The following AKAP7 variants were observed in gnomAD, a reference collection of about 807,000 sequenced individuals.
AKAP7 encodes A-kinase anchoring protein 7.
A neutral mutation model predicts 39.5 loss-of-function variants in AKAP7; 39 were observed. That is an observed-to-expected ratio of 0.99 (90% CI 0.76 to 1.29). The LOEUF (loss-of-function observed/expected upper bound fraction) is 1.29. Ranked by LOEUF, AKAP7 falls within the 50% of genes most tolerant of loss-of-function variation. The probability of loss-of-function intolerance (pLI) is 0.00; values close to 1 mark genes in which losing one functional copy is unlikely to be tolerated. For missense variants in AKAP7, 414 were observed against 407.7 expected (o/e 1.02, Z -0.13); for synonymous variants, 140 against 139.1 (o/e 1.01, Z -0.05).
At chr6:131,164,310 C>G (rs1255067617) in intron 3 of AKAP7, 1 of 451,844 alleles carries the variant, frequency 2.2e-6, no homozygotes, top group African/African-American at 2.0e-5. Context: ...AGACTACTTT[C>G]AAATGTACTC....
intron 5 of AKAP7, among the ~76,000 whole-genome samples, chr6:131,180,457 C>G (rs1805063010): frequency 6.6e-6 from 1 of 152,180 alleles, no homozygotes; most frequent in African/African-American, 2.4e-5. Context: ...AGAAAAATCT[C>G]TTGATCTTGA....
At chr6:131,162,485 C>T (rs564708574) in intron 3 of AKAP7, among the ~76,000 whole-genome samples, 2 of 152,284 alleles carry the variant, frequency 1.3e-5, no homozygotes, top group African/African-American at 4.8e-5. Context: ...TCAGTTTGTT[C>T]AGGTGTAAAA....
rs376362498 is a variant in AKAP7, at chr6:131,163,336, TTTTG to T, written c.292-1733_292-1730del. Among the ~76,000 whole-genome samples the T allele has an allele frequency of 1.3e-3, 205 of 152,304 alleles. 1 individual carries two copies. Among genetic ancestry groups the T allele is most frequent in the African/African-American group, 4.5e-3 (187 of 41,550 alleles). Reference sequence around the variant, plus strand: ...TTTTGTATCTTCTACATGAGCACATTTTTGTTTGTTTGTTTTAAAGTGTCTAATG... The same window carrying T: ...TTTTGTATCTTCTACATGAGCACATTTTTGTTTGTTTTAAAGTGTCTAATG... On this transcript the variant is annotated intron_variant, in intron 3 of 7. Transcript: ENST00000431975.
intron 5 of AKAP7, among the ~76,000 whole-genome samples, chr6:131,174,105 CATT>C (rs1804344546): frequency 6.6e-6 from 1 of 152,180 alleles, no homozygotes; most frequent in East Asian, 1.9e-4. Context: ...TTCAACAAAA[CATT>C]ATAAAAAATA....
chr6:131,164,551 A>C lies in AKAP7; in HGVS notation c.292-530A>C, dbSNP rs143646651. On this transcript the variant is annotated intron_variant, in intron 3 of 7. Transcript: ENST00000431975. Reference sequence around the variant, plus strand: ...CCCACAGGTATGGAAAAATGACAGTAGTCATTTCTACTGAAATTATTGCTG... The same window carrying C: ...CCCACAGGTATGGAAAAATGACAGTCGTCATTTCTACTGAAATTATTGCTG... The C allele has an allele frequency of 6.7e-4, 251 of 376,440 alleles. 2 individuals carry two copies. Among genetic ancestry groups the C allele is most frequent in the African/African-American group, 4.8e-3 (228 of 47,308 alleles). The allele number at this position is 376,440 out of a possible 1,614,324, so 23.3% of individuals were successfully genotyped here.
In AKAP7 at chr6:131,135,595, CG is replaced by C. The variant is rs1330489445; in HGVS notation, c.-168del. 1 of 488,412 alleles carries C rather than the reference CG, an allele frequency of 2.0e-6. No homozygotes were observed. Among genetic ancestry groups the C allele is most frequent in the African/African-American group, 2.1e-5 (1 of 47,030 alleles). The allele number at this position is 488,412 out of a possible 1,614,324, so 30.3% of individuals were successfully genotyped here. ...GCGCTTCCGCAGGCCTGGCCTCCGC[CG>C]CCCGGGCCCCCGCAGCCTGTCGCTG... On this transcript the variant is annotated 5_prime_UTR_variant, in exon 1 of 8. Transcript: ENST00000431975.
chr6:131,159,155 G>A (rs1000689692), intron 2 of AKAP7, among the ~76,000 whole-genome samples: 2 of 151,908 alleles, frequency 1.3e-5, no homozygotes, highest in African/African-American at 4.8e-5. Flanking sequence ...CTGCAGTGGC[G>A]CCATCTCGGC....
chr6:131,147,886 A>G (rs145461896), intron 2 of AKAP7, among the ~76,000 whole-genome samples: 5 of 152,364 alleles, frequency 3.3e-5, no homozygotes, highest in South Asian at 4.1e-4. Flanking sequence ...TATCTAATGT[A>G]TATGAACACA....
chr6:131,172,701 G>C lies in AKAP7; in HGVS notation c.589+3428G>C, dbSNP rs540812882. 2.6e-3 allele frequency among the ~76,000 whole-genome samples: 403 copies of C among 152,116 alleles called. 2 individuals carry two copies. The highest frequency in any genetic ancestry group is 5.2e-3 in the Admixed American group (80 of 15,288). On this transcript the variant is annotated intron_variant, in intron 5 of 7. Coordinates refer to ENST00000431975, the MANE Select transcript of AKAP7 (RefSeq NM_016377.4). ...AGAAATACATTTCTAGACTAAGCCA[G>C]ACCATCAAAAAAATTGTATAGGTAC... is the stretch of plus-strand genomic sequence containing the variant.
chr6:131,203,115 G>C (rs1397491016), intron 6 of AKAP7, among the ~76,000 whole-genome samples: 1 of 152,114 alleles, frequency 6.6e-6, no homozygotes, highest in Non-Finnish European at 1.5e-5. Flanking sequence ...TTCTTATGCA[G>C]CAAATCTACT....
At chr6:131,220,750 A>G (rs1585117864) in intron 7 of AKAP7, among the ~76,000 whole-genome samples, 2 of 152,048 alleles carry the variant, frequency 1.3e-5, no homozygotes, top group South Asian at 4.2e-4. Flanking sequence ...TGTCAATTAC[A>G]TTTTGGTAAT....
At chr6:131,252,996 G>C (rs1233424359) in intron 7 of AKAP7, 2 of 1,602,702 alleles carry the variant, frequency 1.2e-6, no homozygotes, top group South Asian at 2.2e-5. Context: ...ATGAGTTTTT[G>C]GTGAAAGTTT....
intron 7 of AKAP7, among the ~76,000 whole-genome samples, chr6:131,236,799 T>C (rs2128309727): frequency 6.6e-6 from 1 of 152,272 alleles, no homozygotes; most frequent in South Asian, 2.1e-4. Context: ...CTTAAGGAGA[T>C]TTTGGGCTGA....
intron 6 of AKAP7, 69 bp downstream of exon 6, chr6:131,199,642 C>A: frequency 8.1e-7 from 1 of 1,231,998 alleles, no homozygotes; most frequent in Non-Finnish European, 1.2e-6. Context: ...GTCTGGAGCA[C>A]GAGTGACATT....
chr6:131,173,559 A>G (rs1804288531), intron 5 of AKAP7, among the ~76,000 whole-genome samples: 1 of 152,224 alleles, frequency 6.6e-6, no homozygotes, highest in Admixed American at 6.5e-5. Context: ...ACATGTAAGC[A>G]AGCATGCAAA....
intron 5 of AKAP7, chr6:131,184,880 C>T (rs1805666607): frequency 8.0e-7 from 1 of 1,244,822 alleles, no homozygotes; most frequent in Non-Finnish European, 1.2e-6. Context: ...TAGGGCTTAT[C>T]CTGGTCCTCC....
chr6:131,241,627 G>GTGTATATATACGTATA, intron 7 of AKAP7, among the ~76,000 whole-genome samples: 11 of 86,652 alleles, frequency 1.3e-4, no homozygotes, highest in South Asian at 3.7e-4. Flanking sequence ...GTGTGTGTGT[G>GTGTATATATACGTATA]TATATATATA....
At chr6:131,149,160 T>C (rs984899498) in intron 2 of AKAP7, among the ~76,000 whole-genome samples, 1 of 152,206 alleles carries the variant, frequency 6.6e-6, no homozygotes, top group Non-Finnish European at 1.5e-5. Flanking sequence ...TGTGGTCTGG[T>C]TGGGTGAGAT....
At chr6:131,247,172 G>A (rs949035276) in intron 7 of AKAP7, among the ~76,000 whole-genome samples, 1 of 149,264 alleles carries the variant, frequency 6.7e-6, no homozygotes, top group Non-Finnish European at 1.5e-5. Context: ...CTTTCATTAT[G>A]GTTAATTCAC....
Sources: gnomAD v4.1 joint callset for allele counts (sites outside exome capture counted in the v4.1 genomes callset) on GRCh38, gnomAD v4.1.1 for gene constraint, MANE v1.5 for transcripts, NCBI Gene and HGNC (gene_info 2026-07-23, HGNC 2026-07-21) for gene names.